The following CAMTA1 variants were observed in gnomAD, a reference collection of about 807,000 sequenced individuals.
CAMTA1 encodes calmodulin binding transcription activator 1, also known as calmodulin-binding transcription activator 1.
Under a neutral mutation model 170.9 loss-of-function variants are expected in CAMTA1, and 27 were observed. The observed-to-expected ratio is 0.16, with a 90% CI of 0.12 to 0.22. The LOEUF (loss-of-function observed/expected upper bound fraction) is 0.22. Ranked by LOEUF, CAMTA1 falls within the 10% of genes least tolerant of loss-of-function variation. The pLI is 1.00. For synonymous variants in CAMTA1, 833 were observed against 891.5 expected (o/e 0.93, Z 1.17); for missense variants, 1,619 against 2,217.2 (o/e 0.73, Z 5.42).
chr1:7,355,120 C>T (rs769850466), intron 5 of CAMTA1, among the ~76,000 whole-genome samples: 8 of 150,596 alleles, frequency 5.3e-5, no homozygotes, highest in Admixed American at 2.0e-4. Flanking sequence ...GCAGGAGAAT[C>T]GCTTGAATCT....
intron 5 of CAMTA1, among the ~76,000 whole-genome samples, chr1:7,291,085 A>G (rs1183338503): frequency 2.0e-5 from 3 of 152,098 alleles, no homozygotes; most frequent in Non-Finnish European, 2.9e-5. Flanking sequence ...ACTGCTGTGG[A>G]AGGTGCTCAG....
At chr1:7,079,218 C>G (rs916326062) in intron 3 of CAMTA1, among the ~76,000 whole-genome samples, 24 of 152,156 alleles carry the variant, frequency 1.6e-4, no homozygotes, top group African/African-American at 5.6e-4. Context: ...GCTGTAGACC[C>G]ACCTTTACAG....
At chr1:7,656,130 G>A (rs1048638367) in intron 7 of CAMTA1, among the ~76,000 whole-genome samples, 44 of 152,226 alleles carry the variant, frequency 2.9e-4, no homozygotes, top group African/African-American at 1.0e-3. Context: ...CAATACACTT[G>A]TGTTCTTTAT....
chr1:7,441,554 G>A (rs1365501096), intron 5 of CAMTA1: 3 of 152,242 alleles, frequency 2.0e-5, no homozygotes, highest in Non-Finnish European at 4.4e-5. Context: ...TGCGGGTCGC[G>A]AGCCACGGGA....
chr1:7,329,634 C>G (rs2082897472), intron 5 of CAMTA1, among the ~76,000 whole-genome samples: 1 of 152,128 alleles, frequency 6.6e-6, no homozygotes, highest in South Asian at 2.1e-4. Flanking sequence ...ACAGACCATT[C>G]AGAAAAAGTG....
At position 7,014,244 on chromosome 1, in the gene CAMTA1, C is replaced by T. The variant is rs1700221559; in HGVS notation, c.235-77060C>T. ...AAACCCCATCCAGAGGCAGGCCGGTCTCTTACCTGCTCGATGTCTGCACAT... is the reference window on the plus strand; with the variant it reads ...AAACCCCATCCAGAGGCAGGCCGGTTTCTTACCTGCTCGATGTCTGCACAT... On this transcript the variant is annotated intron_variant, in intron 3 of 22. Transcript: ENST00000303635. This position sits in a 1 kb window ranked among gnomAD's most constrained non-coding sequence, Gnocchi z 4.2. The T allele has an allele frequency of 6.6e-6, 1 of 152,240 alleles. No homozygotes were observed. Among genetic ancestry groups the T allele is most frequent in the Non-Finnish European group, 1.5e-5 (1 of 68,062 alleles). The allele number at this position is 152,240 out of a possible 1,614,324, so 9.4% of individuals were successfully genotyped here. A position where few individuals can be genotyped will look rare whatever the true frequency, so the allele number is the denominator to read the frequency against.
intron 3 of CAMTA1, among the ~76,000 whole-genome samples, chr1:6,933,395 G>C (rs1441937025): frequency 6.6e-6 from 1 of 152,118 alleles, no homozygotes; most frequent in East Asian, 1.9e-4. Context: ...GAGTAGCTGG[G>C]ATTACAGGCA....
At chr1:7,487,312 G>T (rs947677) in intron 6 of CAMTA1, among the ~76,000 whole-genome samples, 3 of 151,994 alleles carry the variant, frequency 2.0e-5, no homozygotes, top group Non-Finnish European at 4.4e-5. Flanking sequence ...TTTACTCAGG[G>T]TCAAGCCCCA....
At chr1:7,385,710 T>A (rs2087881397) in intron 5 of CAMTA1, among the ~76,000 whole-genome samples, 1 of 152,206 alleles carries the variant, frequency 6.6e-6, no homozygotes, top group Non-Finnish European at 1.5e-5. Context: ...CCCAGCACGA[T>A]GCTCCCTGCT....
Position 7,585,474 on chromosome 1 carries a change from A to G in CAMTA1, c.511-54926A>G, listed in dbSNP as rs767217643. On this transcript the variant is annotated intron_variant, in intron 6 of 22. Coordinates refer to ENST00000303635, the MANE Select transcript of CAMTA1 (RefSeq NM_015215.4). The surrounding 1 kb of genome is among the most constrained non-coding windows in gnomAD (Gnocchi z 4.8). ...AACAGCCAGGAGCCCAGCCTACTCC[A>G]GTGGGTTCCCATAGGAGTGACGAGG... is the stretch of plus-strand genomic sequence containing the variant. Among the ~76,000 whole-genome samples, 21 of 152,308 alleles carry G rather than the reference A, an allele frequency of 1.4e-4. No homozygotes were observed. Among genetic ancestry groups the G allele is most frequent in the Non-Finnish European group, 1.2e-4 (8 of 68,022 alleles).
intron 11 of CAMTA1, among the ~76,000 whole-genome samples, chr1:7,714,099 T>G (rs2096591777): frequency 6.6e-6 from 1 of 152,190 alleles, no homozygotes; most frequent in Non-Finnish European, 1.5e-5. Context: ...ACACTGACTT[T>G]TAGCCAAACT....
At position 7,664,256 on chromosome 1, in the gene CAMTA1, C is replaced by G; in HGVS notation, c.1709C>G (p.Pro570Arg). 6.2e-7 allele frequency: 1 copy of G among 1,612,624 alleles called. No individual in the cohort carries two copies. The highest frequency in any genetic ancestry group is 8.5e-7 in the Non-Finnish European group (1 of 1,179,892). ...LTLTAGSSLL[P>R]SGGGLSPSTT... ...CTGACCGCCGGCTCCAGCCTCCTGC[C>G]GTCGGGCGGCGGCCTGAGTCCCAGC... The change falls in exon 9 of 23, where the codon CCG (proline) becomes CGG (arginine). Residue 570 changes from proline (P) to arginine (R), a missense_variant. Pro to Arg is a moderately radical substitution (Grantham distance 103, BLOSUM62 -2). This residue lies in a region of CAMTA1 where 731 missense variants were observed against 907.6 expected (regional missense o/e 0.81). Transcript: ENST00000303635.
At chr1:7,294,933 C>T (rs1004584001) in intron 5 of CAMTA1, among the ~76,000 whole-genome samples, 3 of 152,218 alleles carry the variant, frequency 2.0e-5, no homozygotes, top group Admixed American at 1.3e-4. Flanking sequence ...CTCCCCTCTG[C>T]ACTTGGTCTG....
chr1:7,141,988 TC>T (rs1413453868), intron 4 of CAMTA1: 2 of 448,750 alleles, frequency 4.5e-6, no homozygotes, highest in South Asian at 1.7e-5. Flanking sequence ...TCCTCTGACT[TC>T]CCCTGCTTTT....
chr1:6,903,298 A>G (rs921256302), intron 3 of CAMTA1, among the ~76,000 whole-genome samples: 1 of 152,354 alleles, frequency 6.6e-6, no homozygotes, highest in African/African-American at 2.4e-5. Context: ...GTGGAAGTGT[A>G]GGCTCACTCC....
rs149456558 is a variant in CAMTA1 at position 7,010,788 on chromosome 1, T to C, written c.235-80516T>C. On this transcript the variant is annotated intron_variant, in intron 3 of 22. Transcript: ENST00000303635. This position sits in a 1 kb window ranked among gnomAD's most constrained non-coding sequence, Gnocchi z 4.4. ...AGTAAGATTTCTTACTAACAGTTTC[T>C]TGTACTCAGCTTCCCCATCACCTTC... Among the ~76,000 whole-genome samples the C allele has an allele frequency of 1.6e-4, 24 of 152,326 alleles. No individual in the cohort carries two copies. The East Asian group carries it at 3.5e-3, about 22-fold the overall frequency.
Position 7,534,692 on chromosome 1 carries a change from G to A in CAMTA1, c.510+66791G>A, listed in dbSNP as rs1306082114. ...TCGGGCCGAGGGGAGCTGAGGCCAC[G>A]GCGGGGACTCCTCACTCCTCCTTCC... On this transcript the variant is annotated intron_variant, in intron 6 of 22. Transcript: ENST00000303635. This position sits in a 1 kb window ranked among gnomAD's most constrained non-coding sequence, Gnocchi z 5.6. Among the ~76,000 whole-genome samples the A allele has an allele frequency of 6.6e-6, 1 of 152,166 alleles. No individual in the cohort carries two copies. The highest frequency in any genetic ancestry group is 2.4e-5 in the African/African-American group (1 of 41,452).
intron 1 of CAMTA1, among the ~76,000 whole-genome samples, chr1:6,809,834 C>T (rs1007959586): frequency 5.9e-5 from 9 of 151,850 alleles, no homozygotes; most frequent in African/African-American, 1.7e-4. Flanking sequence ...GGTTGTCAGT[C>T]GTAATGCTGC....
intron 5 of CAMTA1, among the ~76,000 whole-genome samples, chr1:7,310,700 C>CTCTCTCTCTCTCTCTCTCTT (rs1361709842): frequency 3.7e-5 from 2 of 53,492 alleles, no homozygotes; most frequent in Non-Finnish European, 6.3e-5. Context: ...CTCTCTCTCT[C>CTCTCTCTCTCTCTCTCTCTT]TCTTTCTTTC....
Sources: gnomAD v4.1 joint callset for allele counts (sites outside exome capture counted in the v4.1 genomes callset) on GRCh38, gnomAD v4.1.1 for gene constraint, gnomAD v4.1.1 regional missense constraint, Gnocchi (gnomAD v3.1) non-coding constraint, MANE v1.5 for transcripts, NCBI Gene and HGNC (gene_info 2026-07-23, HGNC 2026-07-21) for gene names.